ADAM23: variants seen among roughly 807,000 people sequenced by gnomAD.
ADAM23 encodes the protein ADAM metallopeptidase domain 23, also known as disintegrin and metalloproteinase domain-containing protein 23.
In ADAM23, 33 loss-of-function variants were observed where a neutral mutation model predicts 120.1. The ratio of observed to expected loss-of-function variants is 0.27; its 90% CI spans 0.21 to 0.37. The LOEUF (loss-of-function observed/expected upper bound fraction) is 0.37, where lower values mean the gene tolerates loss of function less well. Among genes scored for constraint, ADAM23 ranks in the 10% least tolerant of loss-of-function variants. The probability of loss-of-function intolerance (pLI) is 1.00; values close to 1 mark genes in which losing one functional copy is unlikely to be tolerated. For missense variants in ADAM23, 862 were observed against 1,058.2 expected, an observed-to-expected ratio of 0.81 and a Z score of 2.57; for synonymous variants, 367 against 375.2, an observed-to-expected ratio of 0.98 and a Z score of 0.25.
chr2:206,575,553 C>T (rs1355297987), intron 18 of ADAM23, among the ~76,000 whole-genome samples: 1 of 152,080 alleles, frequency 6.6e-6, no homozygotes, highest in African/African-American at 2.4e-5. Context: ...AATGGGGTTA[C>T]CTGTTGCTAG....
chr2:206,536,611 G>GT (rs1697181576), intron 4 of ADAM23, among the ~76,000 whole-genome samples: 1 of 152,136 alleles, frequency 6.6e-6, no homozygotes, highest in Admixed American at 6.5e-5. Flanking sequence ...CGCTTAAAAC[G>GT]TAACTGTGAG....
intron 9 of ADAM23, 106 bp from the exon 10 acceptor site, chr2:206,557,321 T>A (rs1697665928): frequency 3.2e-6 from 3 of 939,148 alleles, no homozygotes; most frequent in South Asian, 2.8e-5. Context: ...TATATATTTT[T>A]AAATCCATAT....
At chr2:206,572,233 T>A (rs2105831803) in intron 17 of ADAM23, among the ~76,000 whole-genome samples, 1 of 152,312 alleles carries the variant, frequency 6.6e-6, no homozygotes, top group South Asian at 2.1e-4. Flanking sequence ...TATTTTCCCA[T>A]TGGGCTTTTA....
In ADAM23 at chr2:206,600,181, A is replaced by G. The variant is rs1009607490; in HGVS notation, c.2359+4019A>G. On this transcript the variant is annotated intron_variant, in intron 24 of 25. Coordinates refer to ENST00000264377, the MANE Select transcript of ADAM23 (RefSeq NM_003812.4). ...CGCGACACTGCACTCCAACCTGGGC[A>G]ACAGAGTGAGACACTGTCTCAGGAA... Among the ~76,000 whole-genome samples, 8 of 152,284 alleles carry G rather than the reference A, an allele frequency of 5.3e-5. No homozygotes were observed. In the South Asian group the frequency reaches 1.2e-3, roughly 24 times the overall value.
At chr2:206,518,183 T>C (rs1055211186) in intron 3 of ADAM23, among the ~76,000 whole-genome samples, 3 of 152,228 alleles carry the variant, frequency 2.0e-5, no homozygotes, top group Non-Finnish European at 4.4e-5. Context: ...ATTTTATTAC[T>C]GGCACATTAT....
intron 13 of ADAM23, among the ~76,000 whole-genome samples, chr2:206,563,147 GGAAA>G (rs555601040): frequency 8.4e-4 from 128 of 152,164 alleles, no homozygotes; most frequent in Admixed American, 2.6e-3. Context: ...GCAATCCGGT[GGAAA>G]GAGAGACCAA....
rs11902638 is a variant in ADAM23 at position 206,469,697 on chromosome 2, T to G, written c.433-11535T>G. 5.3e-3 allele frequency among the ~76,000 whole-genome samples: 813 copies of G among 152,320 alleles called. 15 individuals are homozygous for G. Among genetic ancestry groups the G allele is most frequent in the African/African-American group, 0.019 (785 of 41,564 alleles). ...CAGTGGCCCACAAGGTGCTACACAATTGACGCCTCATTGGTTCTGTGACTA... is the reference window on the plus strand; with the variant it reads ...CAGTGGCCCACAAGGTGCTACACAAGTGACGCCTCATTGGTTCTGTGACTA... On this transcript the variant is annotated intron_variant, in intron 2 of 25. Coordinates refer to ENST00000264377, the MANE Select transcript of ADAM23 (RefSeq NM_003812.4).
At chr2:206,585,824 A>G (rs1414560165) in intron 18 of ADAM23, among the ~76,000 whole-genome samples, 1 of 151,418 alleles carries the variant, frequency 6.6e-6, no homozygotes, top group Non-Finnish European at 1.5e-5. Context: ...TTGGAAAAGA[A>G]AAAAAAACAA....
chr2:206,474,418 T>G (rs1175526778), intron 2 of ADAM23, among the ~76,000 whole-genome samples: 1 of 152,152 alleles, frequency 6.6e-6, no homozygotes, highest in Non-Finnish European at 1.5e-5. Flanking sequence ...ATTTGCTAGA[T>G]GGTGGCTAAC....
chr2:206,546,012 CAA>C, intron 6 of ADAM23, among the ~76,000 whole-genome samples: 1 of 152,174 alleles, frequency 6.6e-6, no homozygotes. Flanking sequence ...ATGTAGGTGA[CAA>C]TGTCTATTAA....
chr2:206,457,032 T>G (rs1430774940), intron 2 of ADAM23, among the ~76,000 whole-genome samples: 1 of 152,220 alleles, frequency 6.6e-6, no homozygotes, highest in Admixed American at 6.5e-5. Flanking sequence ...GCAGATGGGC[T>G]CCATTAACAA....
At chr2:206,559,741 C>G (rs1378492750) in intron 10 of ADAM23, among the ~76,000 whole-genome samples, 1 of 152,154 alleles carries the variant, frequency 6.6e-6, no homozygotes, top group Non-Finnish European at 1.5e-5. Context: ...CGAAATAACC[C>G]TATAGGAGAG....
intron 1 of ADAM23, among the ~76,000 whole-genome samples, 163 bp downstream of exon 1, chr2:206,444,243 C>T (rs1327058828): frequency 6.6e-6 from 1 of 152,228 alleles, no homozygotes; most frequent in African/African-American, 2.4e-5. Flanking sequence ...CCCCATTCAT[C>T]CCAGTTCACT....
intron 3 of ADAM23, among the ~76,000 whole-genome samples, chr2:206,491,053 C>G (rs1341184860): frequency 2.0e-5 from 3 of 152,106 alleles, no homozygotes; most frequent in East Asian, 3.8e-4. Flanking sequence ...AAAATCACAA[C>G]CAAACCATTG....
At chr2:206,616,663 G>A (rs1017413292) in intron 25 of ADAM23, among the ~76,000 whole-genome samples, 1 of 152,002 alleles carries the variant, frequency 6.6e-6, no homozygotes, top group Non-Finnish European at 1.5e-5. Context: ...TCAGTCGGTG[G>A]GCAGGGGAGT....
chr2:206,473,039 GTTTTCGGGCAT>G (rs1442972210), intron 2 of ADAM23, among the ~76,000 whole-genome samples: 1 of 152,062 alleles, frequency 6.6e-6, no homozygotes, highest in Non-Finnish European at 1.5e-5. Flanking sequence ...GGGCATGTAT[GTTTTCGGGCAT>G]TTTTCGGGCA....
At chr2:206,520,919 C>G (rs1193028104) in intron 3 of ADAM23, among the ~76,000 whole-genome samples, 2 of 152,040 alleles carry the variant, frequency 1.3e-5, no homozygotes, top group Non-Finnish European at 2.9e-5. Flanking sequence ...TGCCCCAGCT[C>G]AACTGGACTT....
chr2:206,537,136 C>A lies in ADAM23; in HGVS notation c.574-4916C>A, dbSNP rs979848527. Among the ~76,000 whole-genome samples the A allele has an allele frequency of 2.6e-5, 4 of 152,262 alleles. No individual in the cohort carries two copies. In the East Asian group the frequency reaches 7.7e-4, roughly 29 times the overall value. ...ATCAGTGAACCAAACAGATAAAGAT[C>A]CCTGCCCTTATGGGTCCTGTGTTCT... On this transcript the variant is annotated intron_variant, in intron 4 of 25. Coordinates refer to ENST00000264377, the MANE Select transcript of ADAM23 (RefSeq NM_003812.4).
intron 3 of ADAM23, among the ~76,000 whole-genome samples, chr2:206,484,260 G>A (rs1695958014): frequency 1.3e-5 from 2 of 152,120 alleles, no homozygotes; most frequent in Admixed American, 1.3e-4. Context: ...TAGGGGTTGG[G>A]ATGGAGAGGG....
Sources: gnomAD v4.1 joint callset for allele counts (sites outside exome capture counted in the v4.1 genomes callset) on GRCh38, gnomAD v4.1.1 for gene constraint, MANE v1.5 for transcripts, NCBI Gene and HGNC (gene_info 2026-07-23, HGNC 2026-07-21) for gene names.